The following STX8 variants were observed in gnomAD, a reference collection of about 807,000 sequenced individuals.
STX8 encodes the protein syntaxin 8.
Under a neutral mutation model 37.5 loss-of-function variants are expected in STX8, and 23 were observed. That is an observed-to-expected ratio of 0.61 (90% CI 0.44 to 0.87). The LOEUF is 0.87. STX8 is among the 40% of genes least tolerant of loss of function. STX8 has a pLI of 0.00. For synonymous variants in STX8, 115 were observed against 99.1 expected (o/e 1.16, Z -0.95); for missense variants, 313 against 284.7 (o/e 1.10, Z -0.71).
At chr17:9,273,170 C>T (rs1344978783) in intron 7 of STX8, 3 of 152,210 alleles carry the variant, frequency 2.0e-5, no homozygotes, top group Admixed American at 1.3e-4. Context: ...GAGGCAGGAA[C>T]TGGAATCTAT....
intron 7 of STX8, among the ~76,000 whole-genome samples, chr17:9,294,331 C>T (rs890832210): frequency 6.6e-6 from 1 of 152,204 alleles, no homozygotes; most frequent in Non-Finnish European, 1.5e-5. Context: ...TTTCTGAGCC[C>T]TTACTATGTG....
chr17:9,421,412 A>AAAT (rs1555525650), intron 6 of STX8, among the ~76,000 whole-genome samples: 36 of 65,182 alleles, frequency 5.5e-4, no homozygotes, highest in Non-Finnish European at 7.3e-4. Flanking sequence ...AAAAAAAAAA[A>AAAT]TTTTTTTTTT....
intron 6 of STX8, among the ~76,000 whole-genome samples, chr17:9,403,008 A>G (rs1597650033): frequency 6.6e-6 from 1 of 152,202 alleles, no homozygotes; most frequent in Admixed American, 6.5e-5. Context: ...CCCTCCTGAC[A>G]TGAACATCAC....
intron 6 of STX8, among the ~76,000 whole-genome samples, chr17:9,383,771 C>A (rs1056438828): frequency 3.9e-5 from 6 of 151,996 alleles, no homozygotes; most frequent in African/African-American, 1.5e-4. Flanking sequence ...AATAAATTTG[C>A]ACATACAGTC....
At chr17:9,273,957 G>T (rs1231134210) in intron 7 of STX8, among the ~76,000 whole-genome samples, 2 of 152,148 alleles carry the variant, frequency 1.3e-5, no homozygotes, top group East Asian at 1.9e-4. Flanking sequence ...TTCCAGTCTT[G>T]TTGAATGGTA....
intron 6 of STX8, among the ~76,000 whole-genome samples, chr17:9,419,863 A>G (rs1410371439): frequency 6.6e-6 from 1 of 152,252 alleles, no homozygotes; most frequent in East Asian, 1.9e-4. Context: ...CGGAAACTTC[A>G]GAGGAAATAG....
intron 6 of STX8, among the ~76,000 whole-genome samples, chr17:9,400,149 C>G (rs1169231670): frequency 1.3e-5 from 2 of 149,438 alleles, no homozygotes; most frequent in Non-Finnish European, 3.0e-5. Context: ...GTCGCCCAGG[C>G]TGGAGTGCAG....
chr17:9,474,869 G>A (rs1168089835), intron 6 of STX8, among the ~76,000 whole-genome samples: 2 of 152,182 alleles, frequency 1.3e-5, no homozygotes, highest in Non-Finnish European at 2.9e-5. Context: ...CTACTCGGGA[G>A]GCTGAGGCAG....
At chr17:9,274,813 T>C (rs1270632674) in intron 7 of STX8, among the ~76,000 whole-genome samples, 7 of 131,132 alleles carry the variant, frequency 5.3e-5, no homozygotes, top group Non-Finnish European at 9.5e-5. Context: ...TGCAGTGGCG[T>C]GATCTCAGCT....
chr17:9,428,680 T>G (rs1050331095), intron 6 of STX8, among the ~76,000 whole-genome samples: 1 of 152,228 alleles, frequency 6.6e-6, no homozygotes, highest in African/African-American at 2.4e-5. Flanking sequence ...ATGGCATATT[T>G]TATTTAACCC....
chr17:9,551,273 G>A (rs1339080630), intron 3 of STX8, among the ~76,000 whole-genome samples: 3 of 151,986 alleles, frequency 2.0e-5, no homozygotes, highest in Admixed American at 1.3e-4. Flanking sequence ...TGATGTACCA[G>A]GCCAAGTCCT....
chr17:9,400,107 T>TTA (rs200070220), intron 6 of STX8, among the ~76,000 whole-genome samples: 47 of 35,306 alleles, frequency 1.3e-3, no homozygotes, highest in East Asian at 7.6e-3. Context: ...GTTGTTATTA[T>TTA]TTTTTTTTTT....
At chr17:9,419,517 G>T (rs1351942600) in intron 6 of STX8, among the ~76,000 whole-genome samples, 1 of 152,234 alleles carries the variant, frequency 6.6e-6, no homozygotes, top group African/African-American at 2.4e-5. Context: ...ATTCACAAGA[G>T]AAGGGTGGAA....
intron 7 of STX8, among the ~76,000 whole-genome samples, chr17:9,346,547 C>T (rs373747619): frequency 2.6e-5 from 4 of 152,184 alleles, no homozygotes; most frequent in African/African-American, 9.6e-5. Flanking sequence ...CTGTTCTTGA[C>T]AAAACTCAAA....
Position 9,252,609 on chromosome 17 carries a change from C to CAAA in STX8, c.644-1967_644-1965dup, listed in dbSNP as rs60037652. Among the ~76,000 whole-genome samples the CAAA allele has an allele frequency of 5.3e-3, 499 of 94,038 alleles. 3 individuals are homozygous for CAAA. The highest frequency in any genetic ancestry group is 0.02 in the African/African-American group (455 of 23,246). The allele number at this position is 94,038 out of a possible 152,430, so 61.7% of individuals were successfully genotyped here. A position where few individuals can be genotyped will look rare whatever the true frequency, so the allele number is the denominator to read the frequency against. On this transcript the variant is annotated intron_variant, in intron 7 of 7. Coordinates refer to ENST00000306357, the MANE Select transcript of STX8 (RefSeq NM_004853.3). ...GTGCAACAACAGTGAAACTCTGTCT[C>CAAA]AAAAAAAAAAAAAAAAGAAAACGAA...
rs138706853 is a variant in STX8 at position 9,524,395 on chromosome 17, G to T, written c.324-19233C>A. On this transcript the variant is annotated intron_variant, in intron 4 of 7. Coordinates refer to ENST00000306357, the MANE Select transcript of STX8 (RefSeq NM_004853.3). Reference sequence around the variant, plus strand: ...TGAGGACTTTTTCTCTGCTCCATGGGTGGTGCCTTCTACATGTTCTCATAT... The same window carrying T: ...TGAGGACTTTTTCTCTGCTCCATGGTTGGTGCCTTCTACATGTTCTCATAT... Among the ~76,000 whole-genome samples, 579 of 152,260 alleles carry T rather than the reference G, an allele frequency of 3.8e-3. 4 individuals carry two copies. In the Middle Eastern group the frequency reaches 0.044, roughly 12 times the overall value.
chr17:9,371,012 C>CTA (rs1911386172), intron 7 of STX8, among the ~76,000 whole-genome samples: 1 of 151,838 alleles, frequency 6.6e-6, no homozygotes, highest in South Asian at 2.1e-4. Flanking sequence ...ACACAAAAAT[C>CTA]TCGGTAAAAA....
At chr17:9,498,418 T>C (rs1032079410) in intron 5 of STX8, among the ~76,000 whole-genome samples, 2 of 150,024 alleles carry the variant, frequency 1.3e-5, no homozygotes, top group African/African-American at 4.9e-5. Flanking sequence ...AAAAGAAAAA[T>C]TAGGTCAAGC....
At chr17:9,476,212 C>G (rs1408286875) in intron 6 of STX8, among the ~76,000 whole-genome samples, 1 of 152,152 alleles carries the variant, frequency 6.6e-6, no homozygotes, top group Non-Finnish European at 1.5e-5. Flanking sequence ...TACCCAAATA[C>G]AAAGAAAGCC....
Sources: allele counts gnomAD v4.1 joint callset (sites outside exome capture counted in the v4.1 genomes callset), GRCh38; gene constraint gnomAD v4.1.1; transcripts MANE v1.5; gene names NCBI Gene and HGNC (gene_info 2026-07-23, HGNC 2026-07-21).